Variants in ST3GAL2 observed in about 807,000 individuals in gnomAD.
The protein encoded by ST3GAL2 is ST3 beta-galactoside alpha-2,3-sialyltransferase 2, also known as CMP-N-acetylneuraminate-beta-galactosamide-alpha-2,3-sialyltransferase 2.
Under a neutral mutation model 37.5 loss-of-function variants are expected in ST3GAL2, and 16 were observed. That is an observed-to-expected ratio of 0.43 (90% CI 0.29 to 0.65). The LOEUF is 0.65. Ranked by LOEUF, ST3GAL2 falls within the 30% of genes least tolerant of loss-of-function variation. ST3GAL2 has a pLI of 0.17. For missense variants in ST3GAL2, 383 were observed against 487.8 expected, an observed-to-expected ratio of 0.79 and a Z score of 2.02; for synonymous variants, 238 against 202.9, an observed-to-expected ratio of 1.17 and a Z score of -1.47.
intron 3 of ST3GAL2, among the ~76,000 whole-genome samples, 172 bp from the exon 4 acceptor site, chr16:70,388,718 A>C (rs1474174935): frequency 6.6e-6 from 1 of 152,156 alleles, no homozygotes; most frequent in Non-Finnish European, 1.5e-5. Flanking sequence ...GTGTGCAAAG[A>C]TGTGTATGAG....
rs117147190 is a variant in ST3GAL2 at position 70,392,244 on chromosome 16, A to T, written c.533+2738T>A. On this transcript the variant is annotated intron_variant, in intron 3 of 6. Transcript: ENST00000342907. ...TTTCACAGCCTCCAAGGGAAAGGGA[A>T]GGAACATGGCACTCTAACAGGGACA... Among the ~76,000 whole-genome samples, 5 of 152,354 alleles carry T rather than the reference A, an allele frequency of 3.3e-5. No individual in the cohort carries two copies. The East Asian group carries it at 9.6e-4, about 29-fold the overall frequency.
intron 1 of ST3GAL2, among the ~76,000 whole-genome samples, chr16:70,402,686 T>G (rs888587046): frequency 1.3e-5 from 2 of 152,188 alleles, no homozygotes; most frequent in African/African-American, 4.8e-5. Flanking sequence ...AGTCTTGCTC[T>G]GTCACCAGGC....
chr16:70,395,424 G>T (rs1235420952), intron 2 of ST3GAL2, among the ~76,000 whole-genome samples: 2 of 152,226 alleles, frequency 1.3e-5, no homozygotes, highest in Non-Finnish European at 2.9e-5. Context: ...GCTAGTCACA[G>T]TTAGCTCTGA....
At chr16:70,412,101 T>A (rs2047642380) in intron 1 of ST3GAL2, among the ~76,000 whole-genome samples, 5 of 152,212 alleles carry the variant, frequency 3.3e-5, no homozygotes, top group Admixed American at 6.5e-5. Flanking sequence ...TTACTTTTCT[T>A]CTTACTGAAG....
chr16:70,427,487 C>T (rs1000459143), intron 1 of ST3GAL2, among the ~76,000 whole-genome samples: 6 of 151,822 alleles, frequency 4.0e-5, no homozygotes, highest in Non-Finnish European at 8.8e-5. Flanking sequence ...TACAGGCCCC[C>T]GCCACCATGC....
intron 1 of ST3GAL2, among the ~76,000 whole-genome samples, chr16:70,405,518 G>A (rs1308481662): frequency 1.4e-5 from 2 of 141,524 alleles, no homozygotes; most frequent in Non-Finnish European, 3.0e-5. Flanking sequence ...TCCAGCCTGG[G>A]TGACACAGTG....
chr16:70,405,904 C>CA (rs2047588957), intron 1 of ST3GAL2, among the ~76,000 whole-genome samples: 1 of 149,032 alleles, frequency 6.7e-6, no homozygotes, highest in Admixed American at 6.7e-5. Context: ...ACTAAAAACA[C>CA]AAAAAAATTA....
rs116142719 is a variant in ST3GAL2, at chr16:70,380,762, C to G, written c.*927G>C. The G allele has an allele frequency of 1.3e-5, 2 of 152,916 alleles. No homozygotes were observed. Among genetic ancestry groups the G allele is most frequent in the Admixed American group, 6.5e-5 (1 of 15,296 alleles). 9.5% of individuals were successfully genotyped at this position (152,916 alleles called of 1,614,324 possible). On this transcript the variant is annotated 3_prime_UTR_variant, in exon 7 of 7. Transcript: ENST00000342907. Reference sequence around the variant, plus strand: ...GAGGCGATGGGTGGAGGAGGAGGTACATGCAGCGGGCAGCCGGGCCCATAG... The same window carrying G: ...GAGGCGATGGGTGGAGGAGGAGGTAGATGCAGCGGGCAGCCGGGCCCATAG...
At chr16:70,429,588 CAAAAAAAAAAAA>C (rs1173306093) in intron 1 of ST3GAL2, among the ~76,000 whole-genome samples, 1 of 36,064 alleles carries the variant, frequency 2.8e-5, no homozygotes, top group East Asian at 9.7e-4. Context: ...GACTCTGTCT[CAAAAAAAAAAAA>C]AAAAAAAAGA....
At chr16:70,416,030 C>T (rs944546376) in intron 1 of ST3GAL2, among the ~76,000 whole-genome samples, 1 of 151,970 alleles carries the variant, frequency 6.6e-6, no homozygotes. Context: ...CCCACCTCGG[C>T]CTCCCAAAGT....
At chr16:70,396,383 G>A (rs1567668677) in intron 2 of ST3GAL2, among the ~76,000 whole-genome samples, 1 of 151,710 alleles carries the variant, frequency 6.6e-6, no homozygotes. Flanking sequence ...TGGGTGAGCA[G>A]GGCCTGCTCA....
chr16:70,433,643 A>G (rs2047805777), intron 1 of ST3GAL2, among the ~76,000 whole-genome samples: 1 of 152,120 alleles, frequency 6.6e-6, no homozygotes, highest in Non-Finnish European at 1.5e-5. Context: ...GCTGGAGCAG[A>G]TGCATCCTGG....
chr16:70,402,940 T>G (rs56836542), intron 1 of ST3GAL2, among the ~76,000 whole-genome samples: 1,545 of 152,306 alleles, frequency 0.01, 26 homozygotes, highest in African/African-American at 0.035. Context: ...CATGAGCCAC[T>G]GCGCCTAGCC....
At chr16:70,437,239 A>C (rs1472226484) in intron 1 of ST3GAL2, among the ~76,000 whole-genome samples, 1 of 152,264 alleles carries the variant, frequency 6.6e-6, no homozygotes, top group Non-Finnish European at 1.5e-5. Flanking sequence ...GTGCAGAGGC[A>C]GACATAAACA....
chr16:70,417,328 AG>A (rs1555560811), intron 1 of ST3GAL2, among the ~76,000 whole-genome samples: 1 of 146,806 alleles, frequency 6.8e-6, no homozygotes, highest in Non-Finnish European at 1.5e-5. Flanking sequence ...CACTTCCCAC[AG>A]GAACTCTCCT....
chr16:70,382,001 G>GGACTCACAT (rs2047409527), intron 6 of ST3GAL2, 139 bp from the exon 7 acceptor site: 2 of 985,088 alleles, frequency 2.0e-6, no homozygotes, highest in Non-Finnish European at 3.0e-6. Context: ...CTAAGGACAT[G>GGACTCACAT]GACTCACATG....
intron 1 of ST3GAL2, among the ~76,000 whole-genome samples, chr16:70,419,087 C>T (rs566826865): frequency 3.3e-5 from 5 of 152,264 alleles, no homozygotes; most frequent in South Asian, 2.1e-4. Context: ...TGGACCATGG[C>T]GAGGGACTCT....
In ST3GAL2 at chr16:70,379,484, C is replaced by G. The variant is rs2047379185; in HGVS notation, c.*2205G>C. On this transcript the variant is annotated 3_prime_UTR_variant, in exon 7 of 7. Transcript: ENST00000342907. ...CAGACCCGCCTTCTTCCATCATGCC[C>G]ATTTCAGAACAATGAAGGACTAGAC... 6.6e-6 allele frequency: 1 copy of G among 152,188 alleles called. No individual in the cohort carries two copies. Among genetic ancestry groups the G allele is most frequent in the African/African-American group, 2.4e-5 (1 of 41,418 alleles). 9.4% of individuals were successfully genotyped at this position (152,188 alleles called of 1,614,324 possible).
At chr16:70,425,807 C>A (rs2047745809) in intron 1 of ST3GAL2, among the ~76,000 whole-genome samples, 1 of 152,188 alleles carries the variant, frequency 6.6e-6, no homozygotes, top group African/African-American at 2.4e-5. Context: ...GATAAATCGA[C>A]CCAGCTCAGA....
Sources: gnomAD v4.1 joint callset for allele counts (sites outside exome capture counted in the v4.1 genomes callset) on GRCh38, gnomAD v4.1.1 for gene constraint, MANE v1.5 for transcripts, NCBI Gene and HGNC (gene_info 2026-07-23, HGNC 2026-07-21) for gene names.